PTPN5: variants seen among roughly 807,000 people sequenced by gnomAD.
The protein encoded by PTPN5 is protein tyrosine phosphatase non-receptor type 5, also known as tyrosine-protein phosphatase non-receptor type 5.
In PTPN5, 29 loss-of-function variants were observed where a neutral mutation model predicts 73.9. The ratio of observed to expected loss-of-function variants is 0.39; its 90% CI spans 0.29 to 0.54. The LOEUF (loss-of-function observed/expected upper bound fraction) is 0.54, where lower values mean the gene tolerates loss of function less well. Ranked by LOEUF, PTPN5 falls within the 20% of genes least tolerant of loss-of-function variation. The pLI, the probability that PTPN5 is intolerant of heterozygous loss-of-function variation, is 0.65. For synonymous variants in PTPN5, 267 were observed against 304.7 expected (o/e 0.88, Z 1.29); for missense variants, 652 against 751.4 (o/e 0.87, Z 1.55).
rs1849436347 is a variant in PTPN5 at position 18,742,921 on chromosome 11, G to A, written c.483+71C>T. 9.8e-7 allele frequency: 1 copy of A among 1,018,206 alleles called. No individual in the cohort carries two copies. Among genetic ancestry groups the A allele is most frequent in the Non-Finnish European group, 1.5e-6 (1 of 662,980 alleles). 63.1% of individuals were successfully genotyped at this position (1,018,206 alleles called of 1,614,324 possible). A position where few individuals can be genotyped will look rare whatever the true frequency, so the allele number is the denominator to read the frequency against. ...AATGTCCAGCCTATAAGTCAGATGGGAGCTGGTAGAAATCCAGGCCTCAAG... is the reference window on the plus strand; with the variant it reads ...AATGTCCAGCCTATAAGTCAGATGGAAGCTGGTAGAAATCCAGGCCTCAAG... On this transcript the variant is annotated intron_variant, in intron 6 of 14. Coordinates refer to ENST00000358540, the MANE Select transcript of PTPN5 (RefSeq NM_006906.2). This position sits in a 1 kb window ranked among gnomAD's most constrained non-coding sequence, Gnocchi z 4.1.
chr11:18,751,877 T>C (rs1046573501), intron 3 of PTPN5, among the ~76,000 whole-genome samples: 5 of 152,216 alleles, frequency 3.3e-5, no homozygotes, highest in Admixed American at 2.6e-4. Flanking sequence ...CTCTGGCTGA[T>C]TGCCCTGATG....
intron 8 of PTPN5, among the ~76,000 whole-genome samples, chr11:18,738,817 C>A (rs1252571425): frequency 6.6e-6 from 1 of 151,890 alleles, no homozygotes; most frequent in African/African-American, 2.4e-5. Flanking sequence ...AATAAGAATA[C>A]AAAAATTAGC....
Position 18,781,323 on chromosome 11 carries a change from C to CTTTTTTT in PTPN5, c.-113-9259_-113-9253dup, listed in dbSNP as rs58611404. On this transcript the variant is annotated intron_variant, in intron 1 of 14. Transcript: ENST00000358540. Reference sequence around the variant, plus strand: ...AGATCAGACTGTCTTTTTTTGACCACTTTTTTTTTTTTTTGAGATGGAGTC... The same window carrying CTTTTTTT: ...AGATCAGACTGTCTTTTTTTGACCACTTTTTTTTTTTTTTTTTTTTTGAGATGGAGTC... Among the ~76,000 whole-genome samples, 675 of 114,396 alleles carry CTTTTTTT rather than the reference C, an allele frequency of 5.9e-3. 31 individuals carry two copies. The highest frequency in any genetic ancestry group is 0.018 in the African/African-American group (550 of 30,898). 75.0% of individuals were successfully genotyped at this position (114,396 alleles called of 152,430 possible).
intron 3 of PTPN5, among the ~76,000 whole-genome samples, chr11:18,747,380 ACCTCAGGTGATCTGCCTG>A (rs1800841365): frequency 6.6e-6 from 1 of 151,950 alleles, no homozygotes; most frequent in Non-Finnish European, 1.5e-5. Context: ...TGAACTCCTG[ACCTCAGGTGATCTGCCTG>A]CCTTGGCCTC....
intron 1 of PTPN5, among the ~76,000 whole-genome samples, chr11:18,785,177 G>A (rs1227672375): frequency 1.3e-5 from 2 of 152,150 alleles, no homozygotes; most frequent in South Asian, 2.1e-4. Flanking sequence ...TACTCCAGAC[G>A]CCAGGGCCAC....
At chr11:18,764,796 T>G (rs189640333) in intron 3 of PTPN5, among the ~76,000 whole-genome samples, 2,701 of 152,304 alleles carry the variant, frequency 0.018, 88 homozygotes, top group African/African-American at 0.061. Context: ...CACTGCAAGC[T>G]CTGCCCTCTG....
chr11:18,772,616 G>A (rs987742685), intron 1 of PTPN5, among the ~76,000 whole-genome samples: 7 of 152,186 alleles, frequency 4.6e-5, no homozygotes, highest in African/African-American at 1.7e-4. Context: ...GGGCATGGCA[G>A]GGACCCCAGG....
chr11:18,736,528 CG>C (rs1564890127), intron 9 of PTPN5, among the ~76,000 whole-genome samples: 1 of 152,170 alleles, frequency 6.6e-6, no homozygotes, highest in Non-Finnish European at 1.5e-5. Flanking sequence ...GGGCAGGAGC[CG>C]AGGAAATGTG....
intron 3 of PTPN5, chr11:18,749,471 CTG>C (rs752001568): frequency 3.1e-6 from 1 of 324,138 alleles, no homozygotes; most frequent in Non-Finnish European, 6.1e-6. Flanking sequence ...GGTCCTATGT[CTG>C]GGGTCGGGGG....
chr11:18,747,722 AT>A (rs1266230134), intron 3 of PTPN5, among the ~76,000 whole-genome samples: 1 of 152,220 alleles, frequency 6.6e-6, no homozygotes, highest in Non-Finnish European at 1.5e-5. Context: ...AAAAATTTTG[AT>A]GGTATGGACT....
At chr11:18,740,837 A>T in intron 7 of PTPN5, 45 bp from the exon 8 acceptor site, 1 of 1,353,694 alleles carries the variant, frequency 7.4e-7, no homozygotes, top group East Asian at 2.6e-5. Flanking sequence ...GGGCAGAGGG[A>T]CGGGCATGAG....
At chr11:18,761,839 TGA>T (rs773252251) in intron 3 of PTPN5, among the ~76,000 whole-genome samples, 1 of 151,934 alleles carries the variant, frequency 6.6e-6, no homozygotes, top group Non-Finnish European at 1.5e-5. Context: ...GGGATGGAGC[TGA>T]GAGAGGTGAG....
Position 18,728,821 on chromosome 11 carries a change from G to T in PTPN5, c.*113C>A. The T allele has an allele frequency of 1.1e-6, 1 of 943,550 alleles. No individual in the cohort carries two copies. Among genetic ancestry groups the T allele is most frequent in the Non-Finnish European group, 1.6e-6 (1 of 619,058 alleles). 58.4% of individuals were successfully genotyped at this position (943,550 alleles called of 1,614,324 possible). On this transcript the variant is annotated 3_prime_UTR_variant, in exon 15 of 15. Transcript: ENST00000358540. This position sits in a 1 kb window ranked among gnomAD's most constrained non-coding sequence, Gnocchi z 4.1. ...GCCAGGCTGACAGAGGACAGAGGGAGCTGACTGAAGGGGAGGAAGCGGGGA... is the reference window on the plus strand; with the variant it reads ...GCCAGGCTGACAGAGGACAGAGGGATCTGACTGAAGGGGAGGAAGCGGGGA...
At chr11:18,769,591 C>A (rs1276904698) in intron 2 of PTPN5, among the ~76,000 whole-genome samples, 7 of 152,058 alleles carry the variant, frequency 4.6e-5, no homozygotes, top group African/African-American at 1.7e-4. Context: ...TTAGTAGATA[C>A]GAGGTTTCAC....
At chr11:18,779,638 T>C (rs926756842) in intron 1 of PTPN5, among the ~76,000 whole-genome samples, 1 of 152,172 alleles carries the variant, frequency 6.6e-6, no homozygotes, top group Non-Finnish European at 1.5e-5. Flanking sequence ...CAAGGATGGC[T>C]GATTCTCTCC....
chr11:18,730,216 C>G (rs532724373), intron 12 of PTPN5: 78 of 398,512 alleles, frequency 2.0e-4, no homozygotes, highest in African/African-American at 1.5e-3. Context: ...CTCGCCTGCG[C>G]CTGCGTGACT....
At chr11:18,752,758 AGCAG>A (rs1849949414) in intron 3 of PTPN5, among the ~76,000 whole-genome samples, 1 of 152,222 alleles carries the variant, frequency 6.6e-6, no homozygotes, top group Non-Finnish European at 1.5e-5. Flanking sequence ...TGCTTCCCCC[AGCAG>A]CTGCCCATGC....
Position 18,765,877 on chromosome 11 carries a change from C to T in PTPN5, c.27G>A (p.Glu9=), listed in dbSNP as rs1056247926. The T allele has an allele frequency of 3.2e-6, 5 of 1,574,978 alleles. No homozygotes were observed. Among genetic ancestry groups the T allele is most frequent in the Non-Finnish European group, 4.3e-6 (5 of 1,159,116 alleles). The part of the protein sequence containing the change: MNYEGARS[E]RENHAADDSE... ...AGTCATCAGCAGCGTGGTTCTCTCT[C>T]TCACTCCTGCAGCAGGATGGAAAAG... The change falls in exon 3 of 15, where the codon GAG becomes GAA. Residue 9 remains glutamate, a synonymous_variant. Coordinates refer to ENST00000358540, the MANE Select transcript of PTPN5 (RefSeq NM_006906.2).
At chr11:18,775,301 T>A (rs555141544) in intron 1 of PTPN5, among the ~76,000 whole-genome samples, 5 of 152,252 alleles carry the variant, frequency 3.3e-5, no homozygotes, top group Non-Finnish European at 7.3e-5. Context: ...GCTTTCTATA[T>A]GTTCTTTTAA....
Sources: gnomAD v4.1 joint callset for allele counts (sites outside exome capture counted in the v4.1 genomes callset) on GRCh38, gnomAD v4.1.1 for gene constraint, Gnocchi (gnomAD v3.1) non-coding constraint, MANE v1.5 for transcripts, NCBI Gene and HGNC (gene_info 2026-07-23, HGNC 2026-07-21) for gene names.